The following AGTPBP1 variants were observed in gnomAD, a reference collection of about 807,000 sequenced individuals.
The protein encoded by AGTPBP1 is cytosolic carboxypeptidase 1.
A neutral mutation model predicts 143.9 loss-of-function variants in AGTPBP1; 70 were observed. The ratio of observed to expected loss-of-function variants is 0.49; its 90% CI spans 0.40 to 0.59. The LOEUF (loss-of-function observed/expected upper bound fraction) is 0.59. Ranked by LOEUF, AGTPBP1 falls within the 20% of genes least tolerant of loss-of-function variation. The pLI, the probability that AGTPBP1 is intolerant of heterozygous loss-of-function variation, is 0.00. For missense variants in AGTPBP1, 1,229 were observed against 1,464.5 expected (o/e 0.84, Z 2.62); for synonymous variants, 463 against 500.2 (o/e 0.93, Z 0.99).
chr9:85,612,904 A>G (rs1830404190), intron 17 of AGTPBP1, among the ~76,000 whole-genome samples: 5 of 151,814 alleles, frequency 3.3e-5, no homozygotes. Context: ...TCTCCTCACT[A>G]AACAATGTAT....
At chr9:85,780,939 A>AC in the AGTPBP1 span, among the ~76,000 whole-genome samples, 3 of 151,980 alleles carry the variant, frequency 2.0e-5, no homozygotes, top group African/African-American at 7.3e-5. Context: ...ACATGATGAA[A>AC]CCTCGTCTCT....
At position 85,723,530 on chromosome 9, in the gene AGTPBP1, G is replaced by A. The variant is rs907077427; in HGVS notation, c.-33-10964C>T. On this transcript the variant is annotated intron_variant, in intron 1 of 25. Transcript: ENST00000357081. ...ACAGGAGGGAATTTCCTGGTCTGTG[G>A]GTTGCGAAGACTATGGGAAAAGCGC... Among the ~76,000 whole-genome samples, 9 of 152,308 alleles carry A rather than the reference G, an allele frequency of 5.9e-5. No homozygotes were observed. In the East Asian group the frequency reaches 1.7e-3, roughly 29 times the overall value.
chr9:85,640,511 G>T (rs1832393228), intron 13 of AGTPBP1, among the ~76,000 whole-genome samples: 1 of 152,202 alleles, frequency 6.6e-6, no homozygotes. Context: ...ATAAAAAGGA[G>T]TAACTTAGTG....
intron 25 of AGTPBP1, among the ~76,000 whole-genome samples, chr9:85,569,269 T>G (rs1827303984): frequency 6.6e-6 from 1 of 152,024 alleles, no homozygotes; most frequent in Admixed American, 6.6e-5. Flanking sequence ...GAGGTAAAGA[T>G]AAGAAATAGT....
chr9:85,717,599 T>C (rs1161878879), intron 1 of AGTPBP1, among the ~76,000 whole-genome samples: 1 of 151,850 alleles, frequency 6.6e-6, no homozygotes, highest in African/African-American at 2.4e-5. Flanking sequence ...AACCCCCAAG[T>C]GACAATATGA....
At chr9:85,719,750 G>A (rs1208110455) in intron 1 of AGTPBP1, among the ~76,000 whole-genome samples, 2 of 152,168 alleles carry the variant, frequency 1.3e-5, no homozygotes, top group African/African-American at 4.8e-5. Flanking sequence ...GTTTTCAAAG[G>A]GAATGCTTCC....
chr9:85,658,292 G>T (rs759032214), intron 9 of AGTPBP1, among the ~76,000 whole-genome samples: 1 of 152,032 alleles, frequency 6.6e-6, no homozygotes, highest in African/African-American at 2.4e-5. Flanking sequence ...CTAGTCATTA[G>T]ATTTTTATTG....
intron 17 of AGTPBP1, among the ~76,000 whole-genome samples, chr9:85,612,929 C>T (rs1587736966): frequency 6.6e-6 from 1 of 151,036 alleles, no homozygotes; most frequent in East Asian, 1.9e-4. Context: ...CATTATGTTG[C>T]CTAAAAAGAA....
the AGTPBP1 span, chr9:85,764,726 T>C: frequency 8.1e-7 from 1 of 1,235,598 alleles, no homozygotes; most frequent in East Asian, 2.3e-5. Flanking sequence ...CACAGATAGT[T>C]TGAAAGTATC....
chr9:85,786,574 A>G, the AGTPBP1 span: 12 of 1,613,504 alleles, frequency 7.4e-6, no homozygotes, highest in Non-Finnish European at 1.0e-5. Context: ...GGGACTTAAA[A>G]ACTTAGACAT....
intron 9 of AGTPBP1, among the ~76,000 whole-genome samples, chr9:85,658,415 AAATT>A (rs1282527699): frequency 6.6e-6 from 1 of 152,130 alleles, no homozygotes. Context: ...TTAGTATTTA[AAATT>A]ATTAACCATA....
chr9:85,739,018 C>T (rs1269847479), intron 1 of AGTPBP1, among the ~76,000 whole-genome samples: 1 of 152,056 alleles, frequency 6.6e-6, no homozygotes, highest in African/African-American at 2.4e-5. Flanking sequence ...AGAGTATACA[C>T]TAATATTATG....
At chr9:85,707,619 A>G (rs1274054343) in intron 2 of AGTPBP1, among the ~76,000 whole-genome samples, 2 of 152,238 alleles carry the variant, frequency 1.3e-5, no homozygotes, top group African/African-American at 4.8e-5. Context: ...ATTGGACAAC[A>G]TAGAAGAAAT....
chr9:85,728,122 AT>A, intron 1 of AGTPBP1, among the ~76,000 whole-genome samples: 1 of 151,968 alleles, frequency 6.6e-6, no homozygotes, highest in African/African-American at 2.4e-5. Context: ...AAATCCTGTG[AT>A]TAAAAAAAGG....
At chr9:85,565,438 T>C (rs978271393) in intron 25 of AGTPBP1, among the ~76,000 whole-genome samples, 3 of 150,646 alleles carry the variant, frequency 2.0e-5, no homozygotes, top group Admixed American at 6.6e-5. Context: ...TGAACTCAAC[T>C]AAAAAAAAAG....
intron 25 of AGTPBP1, among the ~76,000 whole-genome samples, chr9:85,570,540 G>C (rs1486357918): frequency 2.6e-5 from 4 of 152,110 alleles, no homozygotes. Flanking sequence ...AAATGTCTAT[G>C]TAATTTTTAA....
chr9:85,776,900 G>A, the AGTPBP1 span, among the ~76,000 whole-genome samples: 11 of 152,278 alleles, frequency 7.2e-5, no homozygotes, highest in African/African-American at 2.4e-4. Flanking sequence ...CCCTGGACTC[G>A]TGAATCCTGA....
chr9:85,660,259 A>G (rs913606779), intron 9 of AGTPBP1, among the ~76,000 whole-genome samples: 18 of 152,084 alleles, frequency 1.2e-4, no homozygotes, highest in African/African-American at 4.3e-4. Flanking sequence ...ACCAAATGTT[A>G]CCGTGATTAA....
At chr9:85,594,379 G>C (rs1473788168) in intron 18 of AGTPBP1, among the ~76,000 whole-genome samples, 1 of 152,132 alleles carries the variant, frequency 6.6e-6, no homozygotes, top group Non-Finnish European at 1.5e-5. Flanking sequence ...AGCACTTTGG[G>C]AGGCTGAGGC....
Sources: gnomAD v4.1 joint callset for allele counts (sites outside exome capture counted in the v4.1 genomes callset) on GRCh38, gnomAD v4.1.1 for gene constraint, MANE v1.5 for transcripts, NCBI Gene and HGNC (gene_info 2026-07-23, HGNC 2026-07-21) for gene names.